Variants in ACIN1 observed in about 807,000 individuals in gnomAD.
ACIN1 encodes apoptotic chromatin condensation inducer 1.
ACIN1 carries 16 observed loss-of-function variants against 146.6 expected under a neutral mutation model. That is an observed-to-expected ratio of 0.11 (90% CI 0.07 to 0.17). The LOEUF (loss-of-function observed/expected upper bound fraction) is 0.17. ACIN1 is among the 10% of genes least tolerant of loss of function. The pLI is 1.00. For synonymous variants in ACIN1, 569 were observed against 582.7 expected (o/e 0.98, Z 0.34); for missense variants, 1,357 against 1,609.3 (o/e 0.84, Z 2.68).
rs777211427 is a variant in ACIN1 at position 23,093,592 on chromosome 14, AAAAC to A, written c.139-52_139-49del. 21 of 1,504,954 alleles carry A rather than the reference AAAAC, an allele frequency of 1.4e-5. No homozygotes were observed. The African/African-American group carries it at 2.5e-4, about 18-fold the overall frequency. The allele number at this position is 1,504,954 out of a possible 1,614,324, so 93.2% of individuals were successfully genotyped here. On this transcript the variant is annotated intron_variant, in intron 1 of 18. Transcript: ENST00000605057. ...TCAGAAATGATGAGGAAAAAAAAGAAAAACAAACCCCCACCTCTACCACAACCTC... is the reference window on the plus strand; with the variant it reads ...TCAGAAATGATGAGGAAAAAAAAGAAAAACCCCCACCTCTACCACAACCTC...
intron 2 of ACIN1, among the ~76,000 whole-genome samples, chr14:23,092,559 CTT>C (rs1403805045): frequency 6.6e-6 from 1 of 152,290 alleles, no homozygotes; most frequent in Admixed American, 6.5e-5. Flanking sequence ...GGAGGGCTCT[CTT>C]GTTTTCCACA....
At chr14:23,091,825 T>C (rs2048238385) in intron 2 of ACIN1, among the ~76,000 whole-genome samples, 1 of 152,138 alleles carries the variant, frequency 6.6e-6, no homozygotes, top group African/African-American at 2.4e-5. Flanking sequence ...GGTTTTGCCA[T>C]GTTGGCCAGG....
chr14:23,090,910 A>G (rs1395573978), intron 2 of ACIN1, among the ~76,000 whole-genome samples: 1 of 152,122 alleles, frequency 6.6e-6, no homozygotes, highest in African/African-American at 2.4e-5. Context: ...ACTATTCTTT[A>G]TTTTTATTTT....
intron 18 of ACIN1, among the ~76,000 whole-genome samples, chr14:23,060,791 G>A (rs140922212): frequency 6.6e-4 from 101 of 152,306 alleles, no homozygotes; most frequent in Non-Finnish European, 1.2e-3. Context: ...CATTAGAGGC[G>A]TGAGCCACCA....
In ACIN1 at chr14:23,063,722, A is replaced by C. The variant is rs2047362726; in HGVS notation, c.2596-145T>G. The stretch of plus-strand genomic sequence containing the variant: ...ATTTCGTTATCGGCTCACTTCTACC[A>C]GATCCTGGGATTGTTAGTGCCTCAA... On this transcript the variant is annotated intron_variant, in intron 12 of 18. Coordinates refer to ENST00000605057, the MANE Select transcript of ACIN1 (RefSeq NM_001386863.1). 6 of 988,226 alleles carry C rather than the reference A, an allele frequency of 6.1e-6. No homozygotes were observed. The East Asian group carries it at 1.5e-4, about 24-fold the overall frequency. 61.2% of individuals were successfully genotyped at this position (988,226 alleles called of 1,614,324 possible). A position where few individuals can be genotyped will look rare whatever the true frequency, so the allele number is the denominator to read the frequency against.
chr14:23,064,635 A>C, intron 10 of ACIN1, 147 bp from the exon 11 acceptor site: 5 of 1,178,982 alleles, frequency 4.2e-6, no homozygotes, highest in Non-Finnish European at 5.9e-6. Context: ...GTGGTGGCTC[A>C]CACCTGTAAT....
At position 23,091,757 on chromosome 14, in the gene ACIN1, G is replaced by T. The variant is rs552360124; in HGVS notation, c.205-1124C>A. 5.9e-5 allele frequency among the ~76,000 whole-genome samples: 9 copies of T among 151,904 alleles called. No individual in the cohort carries two copies. In the East Asian group the frequency reaches 1.7e-3, roughly 29 times the overall value. On this transcript the variant is annotated intron_variant, in intron 2 of 18. Coordinates refer to ENST00000605057, the MANE Select transcript of ACIN1 (RefSeq NM_001386863.1). ...TCCTGCCTCAGTCTCCTGAGTAGCT[G>T]GGATTACAGACATGTGCCACCACAA...
intron 14 of ACIN1, 146 bp from the exon 15 acceptor site, chr14:23,062,669 G>C: frequency 2.4e-6 from 2 of 819,316 alleles, no homozygotes; most frequent in Non-Finnish European, 3.9e-6. Context: ...AAGAATGTGA[G>C]AAGAGTGGTG....
chr14:23,082,045 A>C (rs10498279), intron 4 of ACIN1, among the ~76,000 whole-genome samples: 8,690 of 152,326 alleles, frequency 0.057, 743 homozygotes, highest in African/African-American at 0.19. Context: ...TTGGTGTGCA[A>C]GTCTAGAATA....
At chr14:23,090,127 C>A in intron 3 of ACIN1, 26 bp from the exon 4 acceptor site, 1 of 1,607,000 alleles carries the variant, frequency 6.2e-7, no homozygotes. Flanking sequence ...CGGGTCGGGG[C>A]AGGGAGGGAG....
rs138236061 is a variant in ACIN1, at chr14:23,083,498, C to T, written c.437-1662G>A. 6.1e-3 allele frequency among the ~76,000 whole-genome samples: 925 copies of T among 152,228 alleles called. 9 individuals carry two copies. Among genetic ancestry groups the T allele is most frequent in the African/African-American group, 0.021 (853 of 41,542 alleles). ...CTGTAATCCTAGCACTTTGAGAGGT[C>T]GAGGCAGGCGGATCACGACGTCAGG... is the stretch of plus-strand genomic sequence containing the variant. On this transcript the variant is annotated intron_variant, in intron 4 of 18. Coordinates refer to ENST00000605057, the MANE Select transcript of ACIN1 (RefSeq NM_001386863.1).
At chr14:23,072,190 T>C (rs564751448) in intron 8 of ACIN1, among the ~76,000 whole-genome samples, 2 of 152,268 alleles carry the variant, frequency 1.3e-5, no homozygotes, top group African/African-American at 2.4e-5. Context: ...GGGAAGTGGA[T>C]AGCAGGGAGA....
Position 23,079,824 on chromosome 14 carries a change from TGAG to T in ACIN1, c.1508_1510del (p.Ser503_His504delinsTyr). ...CAATCTGTGGCTTGGGAGAAGGGTA[TGAG>T]AAGCTCTTCTGCCTTCCTTCTGTTC... On this transcript the variant is annotated inframe_deletion, in exon 6 of 19. Coordinates refer to ENST00000605057, the MANE Select transcript of ACIN1 (RefSeq NM_001386863.1). 9 of 1,614,088 alleles carry T rather than the reference TGAG, an allele frequency of 5.6e-6. No individual in the cohort carries two copies. Among genetic ancestry groups the T allele is most frequent in the Non-Finnish European group, 7.6e-6 (9 of 1,179,938 alleles).
chr14:23,061,819 A>G (rs1051361446), intron 16 of ACIN1, among the ~76,000 whole-genome samples, 197 bp from the exon 17 acceptor site: 3 of 151,746 alleles, frequency 2.0e-5, no homozygotes, highest in African/African-American at 7.3e-5. Context: ...TGAAAATACA[A>G]AAAAATTAGC....
In ACIN1 at chr14:23,079,589, C is replaced by CGTGAT; in HGVS notation, c.1745_1746insATCAC (p.Ser585HisfsTer16). ...ATGCTGAACGAGAACGTGAACGTGA[C>CGTGAT]CTTGATCTGGACTCTGATGTTGATC... On this transcript the variant is annotated frameshift_variant, in exon 6 of 19. Coordinates refer to ENST00000605057, the MANE Select transcript of ACIN1 (RefSeq NM_001386863.1). LOFTEE classifies it high-confidence loss of function. The CGTGAT allele has an allele frequency of 7.9e-7, 1 of 1,258,012 alleles. No individual in the cohort carries two copies. The highest frequency in any genetic ancestry group is 1.1e-6 in the Non-Finnish European group (1 of 901,598). The allele number at this position is 1,258,012 out of a possible 1,614,324, so 77.9% of individuals were successfully genotyped here.
intron 4 of ACIN1, among the ~76,000 whole-genome samples, chr14:23,087,084 C>CT (rs1347351843): frequency 5.9e-5 from 9 of 152,154 alleles, no homozygotes; most frequent in South Asian, 2.1e-4. Flanking sequence ...TAGTAGGAAA[C>CT]TTAATCAAAA....
rs563503431 is a variant in ACIN1 at position 23,075,082 on chromosome 14, T to C, written c.2123+3069A>G. Among the ~76,000 whole-genome samples, 33 of 152,324 alleles carry C rather than the reference T, an allele frequency of 2.2e-4. 1 individual carries two copies. The highest frequency in any genetic ancestry group is 6.7e-4 in the African/African-American group (28 of 41,568). On this transcript the variant is annotated intron_variant, in intron 8 of 18. Coordinates refer to ENST00000605057, the MANE Select transcript of ACIN1 (RefSeq NM_001386863.1). Reference sequence around the variant, plus strand: ...GCTTTTTCATGCATCATTTGGGATATTGGCATTGTATGTCCCCTGGGGAAT... The same window carrying C: ...GCTTTTTCATGCATCATTTGGGATACTGGCATTGTATGTCCCCTGGGGAAT...
At chr14:23,063,242 C>T (rs2047344137) in intron 13 of ACIN1, 168 bp from the exon 14 acceptor site, 1 of 1,099,244 alleles carries the variant, frequency 9.1e-7, no homozygotes. Flanking sequence ...CTAACCTCCT[C>T]ATCATGGAGA....
intron 8 of ACIN1, among the ~76,000 whole-genome samples, chr14:23,070,786 G>A (rs765787334): frequency 2.0e-5 from 3 of 152,142 alleles, no homozygotes; most frequent in Admixed American, 6.5e-5. Context: ...TCAGAGGTCA[G>A]AAGAACCTCC....
Sources: allele counts gnomAD v4.1 joint callset (sites outside exome capture counted in the v4.1 genomes callset), GRCh38; gene constraint gnomAD v4.1.1; transcripts MANE v1.5; gene names NCBI Gene and HGNC (gene_info 2026-07-23, HGNC 2026-07-21).